The following EIF3A variants were observed in gnomAD, a reference collection of about 807,000 sequenced individuals.
The protein encoded by EIF3A is EIF3, p180 subunit.
A neutral mutation model predicts 186.6 loss-of-function variants in EIF3A; 21 were observed. That is an observed-to-expected ratio of 0.11 (90% CI 0.08 to 0.16). EIF3A has a LOEUF of 0.16. Ranked by LOEUF, EIF3A falls within the 10% of genes least tolerant of loss-of-function variation. EIF3A has a pLI of 1.00. For missense variants in EIF3A, 1,306 were observed against 1,796.3 expected (o/e 0.73, Z 4.93); for synonymous variants, 563 against 584.3 (o/e 0.96, Z 0.52).
At chr10:119,059,163 A>T (rs1843840121) in intron 11 of EIF3A, 49 bp downstream of exon 11, 4 of 1,479,810 alleles carry the variant, frequency 2.7e-6, no homozygotes, top group Non-Finnish European at 3.8e-6. Flanking sequence ...GCATGGCGTT[A>T]AGAGTCCCTC....
At chr10:119,039,594 C>T (rs1365708466) in intron 19 of EIF3A, among the ~76,000 whole-genome samples, 1 of 152,072 alleles carries the variant, frequency 6.6e-6, no homozygotes, top group Non-Finnish European at 1.5e-5. Context: ...CTCTTGAGCC[C>T]AGGAGGCAGA....
chr10:119,054,089 TTTTGTAA>T (rs1460437727), intron 14 of EIF3A, among the ~76,000 whole-genome samples: 2 of 152,050 alleles, frequency 1.3e-5, no homozygotes, highest in Non-Finnish European at 2.9e-5. Context: ...CCCAGCTAAT[TTTTGTAA>T]TTTTAGTAGA....
chr10:119,077,629 A>G lies in EIF3A; in HGVS notation c.49+2999T>C, dbSNP rs202027457. On this transcript the variant is annotated intron_variant, in intron 1 of 21. Coordinates refer to ENST00000369144, the MANE Select transcript of EIF3A (RefSeq NM_003750.4). ...GAGTGCAGTGGCGCAATCTCAGCTCACTGCAAGCTCCACCTCCTGGGTTCA... is the reference window on the plus strand; with the variant it reads ...GAGTGCAGTGGCGCAATCTCAGCTCGCTGCAAGCTCCACCTCCTGGGTTCA... Among the ~76,000 whole-genome samples, 34 of 149,578 alleles carry G rather than the reference A, an allele frequency of 2.3e-4. No homozygotes were observed. In the East Asian group the frequency reaches 6.4e-3, roughly 28 times the overall value.
chr10:119,062,930 A>G (rs369378933), intron 7 of EIF3A, among the ~76,000 whole-genome samples: 1 of 144,720 alleles, frequency 6.9e-6, no homozygotes, highest in Non-Finnish European at 1.5e-5. Flanking sequence ...TTTTTTTTGT[A>G]TTTTTAGTAG....
At chr10:119,045,992 A>G (rs887605348) in intron 17 of EIF3A, among the ~76,000 whole-genome samples, 1 of 152,200 alleles carries the variant, frequency 6.6e-6, no homozygotes, top group African/African-American at 2.4e-5. Context: ...ATATAAAGAG[A>G]ACTTTAACAG....
chr10:119,057,610 A>G (rs1843806026), intron 12 of EIF3A, among the ~76,000 whole-genome samples: 1 of 152,170 alleles, frequency 6.6e-6, no homozygotes, highest in South Asian at 2.1e-4. Flanking sequence ...CCCTGTCTCT[A>G]CTAAAAATAC....
At chr10:119,039,451 C>A (rs1375085356) in intron 19 of EIF3A, among the ~76,000 whole-genome samples, 1 of 151,430 alleles carries the variant, frequency 6.6e-6, no homozygotes, top group African/African-American at 2.4e-5. Flanking sequence ...AGGGTGGATC[C>A]CTGGAGCCCA....
intron 6 of EIF3A, 22 bp from the exon 7 acceptor site, chr10:119,065,592 ATC>A (rs752934253): frequency 1.9e-6 from 3 of 1,551,406 alleles, no homozygotes; most frequent in Admixed American, 1.8e-5. Flanking sequence ...AAAGTTTTAA[ATC>A]TGTTAGGTTT....
Position 119,042,428 on chromosome 10 carries a change from G to C in EIF3A, c.3092C>G (p.Thr1031Arg). 1 of 1,613,954 alleles carries C rather than the reference G, an allele frequency of 6.2e-7. No homozygotes were observed. The highest frequency in any genetic ancestry group is 1.3e-5 in the African/African-American group (1 of 74,948). Residue 1031 changes from threonine (T) to arginine (R), a missense_variant, in exon 19 of 22, where the codon ACA (threonine) becomes AGA (arginine). By Grantham distance (71) the Thr-to-Arg change is moderately conservative. This residue lies in a region of EIF3A where 410 missense variants were observed against 473.5 expected (regional missense o/e 0.87). Transcript: ENST00000369144. This position sits in a 1 kb window ranked among gnomAD's most constrained non-coding sequence, Gnocchi z 7.8. ...TCTTGGTCCTCTGTCCTCATCAGCT[G>C]TTCGCCAGCTTCCTCTGTCCTCATC... ...GLDEDRGSWR[T>R]ADEDRGPRRG...
intron 16 of EIF3A, among the ~76,000 whole-genome samples, 162 bp from the exon 17 acceptor site, chr10:119,050,147 G>A (rs978811686): frequency 6.6e-6 from 1 of 152,070 alleles, no homozygotes; most frequent in African/African-American, 2.4e-5. Flanking sequence ...AAGAAAATAA[G>A]TACTACACCC....
At chr10:119,044,000 T>TGATAA in intron 18 of EIF3A, 54 bp downstream of exon 18, 1 of 1,304,526 alleles carries the variant, frequency 7.7e-7, no homozygotes, top group Non-Finnish European at 1.1e-6. Flanking sequence ...TTAAAACCAC[T>TGATAA]GATAAGATAT....
At position 119,044,067 on chromosome 10, in the gene EIF3A, C is replaced by T; in HGVS notation, c.2734G>A (p.Gly912Ser). 6.2e-7 allele frequency: 1 copy of T among 1,613,466 alleles called. No individual in the cohort carries two copies. Among genetic ancestry groups the T allele is most frequent in the Admixed American group, 1.7e-5 (1 of 60,014 alleles). ...GPEADSEWRR[G>S]PPEKEWRRGE... ...AACTCTACTTACTTCTCTGGCGGGCCTCTTCTCCACTCAGAATCTGCTTCA... is the reference window on the plus strand; with the variant it reads ...AACTCTACTTACTTCTCTGGCGGGCTTCTTCTCCACTCAGAATCTGCTTCA... Residue 912 changes from glycine (G) to serine (S), a missense_variant, in exon 18 of 22, where the codon GGC (glycine) becomes AGC (serine). By Grantham distance (56) the Gly-to-Ser change is moderately conservative. Around this residue, in one of 8 missense-constraint regions of EIF3A, gnomAD observed 410 missense variants for 473.5 expected, o/e 0.87. Coordinates refer to ENST00000369144, the MANE Select transcript of EIF3A (RefSeq NM_003750.4).
intron 11 of EIF3A, 59 bp from the exon 12 acceptor site, chr10:119,058,362 A>C: frequency 8.3e-7 from 1 of 1,206,708 alleles, no homozygotes; most frequent in Non-Finnish European, 1.1e-6. Context: ...GGTATTAGGC[A>C]TCAAAGAAAT....
intron 11 of EIF3A, 43 bp downstream of exon 11, chr10:119,059,168 TC>T: frequency 6.6e-7 from 1 of 1,512,516 alleles, no homozygotes; most frequent in Non-Finnish European, 9.1e-7. Flanking sequence ...GCGTTAAGAG[TC>T]CCTCAAAACT....
chr10:119,036,473 A>G (rs1214596637), intron 21 of EIF3A, among the ~76,000 whole-genome samples: 1 of 152,198 alleles, frequency 6.6e-6, no homozygotes, highest in Non-Finnish European at 1.5e-5. Context: ...AAATGTACAG[A>G]TAAAACTCAA....
chr10:119,059,399 T>A lies in EIF3A; in HGVS notation c.1444-2A>T. 1 of 1,547,094 alleles carries A rather than the reference T, an allele frequency of 6.5e-7. No homozygotes were observed. Among genetic ancestry groups the A allele is most frequent in the Non-Finnish European group, 8.7e-7 (1 of 1,145,628 alleles). On this transcript the variant is annotated splice_acceptor_variant, in intron 10 of 21. Transcript: ENST00000369144. LOFTEE classifies it high-confidence loss of function. ...CCGAGAAGTGTGATCAATACGAACCTTTGAAAATTAAATTATCAATGGTTA... is the reference window on the plus strand; with the variant it reads ...CCGAGAAGTGTGATCAATACGAACCATTGAAAATTAAATTATCAATGGTTA...
At chr10:119,052,399 T>TGTGTGTGTGTGTGTGTGTG (rs1554870363) in intron 14 of EIF3A, among the ~76,000 whole-genome samples, 20 of 149,218 alleles carry the variant, frequency 1.3e-4, no homozygotes, top group East Asian at 5.9e-4. Flanking sequence ...TGTGTGTGTG[T>TGTGTGTGTGTGTGTGTGTG]TTTAAGACAG....
At chr10:119,079,825 T>C (rs1169159949) in intron 1 of EIF3A, among the ~76,000 whole-genome samples, 1 of 152,206 alleles carries the variant, frequency 6.6e-6, no homozygotes, top group Admixed American at 6.5e-5. Context: ...TTTAAGTCTC[T>C]TGGCTCAACA....
At position 119,071,001 on chromosome 10, in the gene EIF3A, T is replaced by G; in HGVS notation, c.626A>C (p.Gln209Pro). The change falls in exon 5 of 22, where the codon CAG becomes CCG. Residue 209 changes from glutamine (Q) to proline (P), a missense_variant. This residue lies in a region of EIF3A where 130 missense variants were observed against 259.3 expected (regional missense o/e 0.50). Coordinates refer to ENST00000369144, the MANE Select transcript of EIF3A (RefSeq NM_003750.4). The stretch of plus-strand genomic sequence containing the variant: ...TGCCGTACTTTGGTTATGGTGGCGC[T>G]GAATCTGCGATAAGTGCATTCTCAA... The part of the protein sequence containing the change: ...DNLRMHLSQI[Q>P]RHHNQSTAIN... 6.2e-7 allele frequency: 1 copy of G among 1,614,088 alleles called. No individual in the cohort carries two copies. The highest frequency in any genetic ancestry group is 8.5e-7 in the Non-Finnish European group (1 of 1,179,924).
Sources: gnomAD v4.1 joint callset for allele counts (sites outside exome capture counted in the v4.1 genomes callset) on GRCh38, gnomAD v4.1.1 for gene constraint, gnomAD v4.1.1 regional missense constraint, Gnocchi (gnomAD v3.1) non-coding constraint, MANE v1.5 for transcripts, NCBI Gene and HGNC (gene_info 2026-07-23, HGNC 2026-07-21) for gene names.